Variants in FAT3 observed in about 807,000 individuals in gnomAD.
FAT3 encodes protocadherin Fat 3.
In FAT3, 95 loss-of-function variants were observed where a neutral mutation model predicts 310.2. The ratio of observed to expected loss-of-function variants is 0.31; its 90% CI spans 0.26 to 0.36. The LOEUF is 0.36. FAT3 is among the 10% of genes least tolerant of loss of function. FAT3 has a pLI of 1.00. For missense variants in FAT3, 5,408 were observed against 5,715.6 expected, an observed-to-expected ratio of 0.95 and a Z score of 1.74; for synonymous variants, 2,314 against 2,192.9, an observed-to-expected ratio of 1.06 and a Z score of -1.54.
intron 1 of FAT3, chr11:92,336,200 C>A: frequency 1.8e-6 from 1 of 568,812 alleles, no homozygotes; most frequent in Non-Finnish European, 3.5e-6. Context: ...TGCCAAGGAC[C>A]GGGACAATGG....
At chr11:92,795,136 A>G (rs1309564403) in intron 9 of FAT3, among the ~76,000 whole-genome samples, 1 of 152,098 alleles carries the variant, frequency 6.6e-6, no homozygotes, top group African/African-American at 2.4e-5. Flanking sequence ...CAGGTCTTAT[A>G]TCTAGTTTGA....
intron 3 of FAT3, among the ~76,000 whole-genome samples, chr11:92,529,217 G>C (rs534530959): frequency 2.0e-5 from 3 of 152,320 alleles, no homozygotes; most frequent in South Asian, 4.1e-4. Flanking sequence ...AACAAAAAAA[G>C]AGTGGAGCTT....
At chr11:92,690,804 G>A (rs1188787359) in intron 3 of FAT3, among the ~76,000 whole-genome samples, 1 of 152,116 alleles carries the variant, frequency 6.6e-6, no homozygotes, top group Admixed American at 6.6e-5. Flanking sequence ...ATATTTTAAT[G>A]CTTCTTAATG....
intron 2 of FAT3, among the ~76,000 whole-genome samples, chr11:92,384,478 A>G (rs1054725674): frequency 1.5e-4 from 23 of 152,178 alleles, no homozygotes; most frequent in Admixed American, 1.0e-3. Context: ...ACAGAAAAGA[A>G]CTTTGACTCA....
At chr11:92,225,306 G>C (rs1325541104) in intron 1 of FAT3, among the ~76,000 whole-genome samples, 132 bp downstream of exon 1, 1 of 152,188 alleles carries the variant, frequency 6.6e-6, no homozygotes, top group Non-Finnish European at 1.5e-5. Flanking sequence ...AGCCGACGAA[G>C]CGCGTGGGGG....
chr11:92,651,676 AC>A (rs1429898010), intron 3 of FAT3, among the ~76,000 whole-genome samples: 1 of 152,138 alleles, frequency 6.6e-6, no homozygotes, highest in African/African-American at 2.4e-5. Flanking sequence ...GAGAGCAGAC[AC>A]CTCTGCCAAA....
chr11:92,784,404 G>C (rs1423626243), intron 7 of FAT3, among the ~76,000 whole-genome samples: 2 of 152,174 alleles, frequency 1.3e-5, no homozygotes, highest in Non-Finnish European at 2.9e-5. Flanking sequence ...AGTAATTCAG[G>C]ACTTAATTGG....
chr11:92,807,970 T>C (rs550710691), intron 12 of FAT3, among the ~76,000 whole-genome samples: 27 of 152,340 alleles, frequency 1.8e-4, no homozygotes, highest in East Asian at 5.8e-4. Context: ...TAACTGACTA[T>C]TGAGTCTCCA....
intron 4 of FAT3, among the ~76,000 whole-genome samples, chr11:92,743,413 A>T (rs1309350753): frequency 6.6e-6 from 1 of 152,228 alleles, no homozygotes; most frequent in African/African-American, 2.4e-5. Flanking sequence ...AAAGTTGAAG[A>T]GAGATGCAAT....
chr11:92,782,043 C>T (rs1270836467), intron 7 of FAT3, among the ~76,000 whole-genome samples: 1 of 152,106 alleles, frequency 6.6e-6, no homozygotes, highest in Admixed American at 6.6e-5. Flanking sequence ...GGCATGGTGG[C>T]TCACATATGA....
intron 2 of FAT3, among the ~76,000 whole-genome samples, chr11:92,421,459 C>T (rs1004639371): frequency 3.9e-5 from 6 of 152,166 alleles, no homozygotes; most frequent in Admixed American, 3.9e-4. Flanking sequence ...TCTAAGCTTG[C>T]ATAAGGCATC....
intron 2 of FAT3, among the ~76,000 whole-genome samples, chr11:92,490,177 A>C (rs1034167333): frequency 2.0e-5 from 3 of 152,126 alleles, no homozygotes; most frequent in Non-Finnish European, 4.4e-5. Flanking sequence ...TATGTCTGCA[A>C]ATCCTTAATG....
At chr11:92,475,549 T>A (rs1952027472) in intron 2 of FAT3, among the ~76,000 whole-genome samples, 1 of 151,958 alleles carries the variant, frequency 6.6e-6, no homozygotes, top group South Asian at 2.1e-4. Context: ...AAACTCTCAC[T>A]CTTATGTATG....
chr11:92,807,665 T>C (rs901730717), intron 12 of FAT3, among the ~76,000 whole-genome samples: 21 of 152,198 alleles, frequency 1.4e-4, no homozygotes, highest in Non-Finnish European at 2.5e-4. Context: ...CTTTTCTGAT[T>C]CTTATTAACA....
chr11:92,320,594 G>A (rs1565224233), intron 1 of FAT3, among the ~76,000 whole-genome samples: 1 of 152,192 alleles, frequency 6.6e-6, no homozygotes, highest in Non-Finnish European at 1.5e-5. Context: ...ATGGCTGGGT[G>A]CAGTGGCTCA....
At chr11:92,285,516 G>A (rs184715345) in intron 1 of FAT3, among the ~76,000 whole-genome samples, 265 of 152,256 alleles carry the variant, frequency 1.7e-3, no homozygotes, top group Non-Finnish European at 3.4e-3. Context: ...CTATTGAGGG[G>A]AGTATCCCAT....
At chr11:92,729,824 A>G (rs1266311658) in intron 4 of FAT3, among the ~76,000 whole-genome samples, 1 of 152,086 alleles carries the variant, frequency 6.6e-6, no homozygotes, top group Non-Finnish European at 1.5e-5. Flanking sequence ...TTACGTTGAA[A>G]TTTAATTTAA....
At chr11:92,882,256 G>A (rs1328946848) in intron 23 of FAT3, among the ~76,000 whole-genome samples, 2 of 152,102 alleles carry the variant, frequency 1.3e-5, no homozygotes, top group East Asian at 3.9e-4. Context: ...TTTTGATTAT[G>A]GGATACTACG....
chr11:92,557,517 G>A (rs1955064285), intron 3 of FAT3, among the ~76,000 whole-genome samples: 1 of 152,172 alleles, frequency 6.6e-6, no homozygotes, highest in African/African-American at 2.4e-5. Flanking sequence ...CAAGCCAGAA[G>A]TCAGCCAGAT....
Sources: gnomAD v4.1 joint callset for allele counts (sites outside exome capture counted in the v4.1 genomes callset) on GRCh38, gnomAD v4.1.1 for gene constraint, MANE v1.5 for transcripts, NCBI Gene and HGNC (gene_info 2026-07-23, HGNC 2026-07-21) for gene names.